Variants in USP26 observed in about 807,000 individuals in gnomAD.
The protein encoded by USP26 is ubiquitin specific peptidase 26, also known as ubiquitin carboxyl-terminal hydrolase 26.
For synonymous variants in USP26, 236 were observed against 240.6 expected, an observed-to-expected ratio of 0.98 and a Z score of 0.18; for missense variants, 649 against 642.3, an observed-to-expected ratio of 1.01 and a Z score of -0.11.
chrX:133,077,427 A>G (rs2067553317), intron 5 of USP26, among the ~76,000 whole-genome samples: 1 of 111,968 alleles, frequency 8.9e-6, no homozygotes, highest in Admixed American at 9.5e-5. Context: ...AAAAATCTAT[A>G]CTATGTAGCT....
In USP26 at chrX:133,026,720, G is replaced by A; in HGVS notation, c.1501C>T (p.His501Tyr). Residue 501 changes from histidine (H) to tyrosine (Y), a missense_variant, in exon 6 of 6, where the codon CAC (histidine) becomes TAC (tyrosine). Transcript: ENST00000511190. ...ELEYKCAKCE[H>Y]KTSVGVHSFS... is the part of the protein sequence containing the mutation. ...GAGTGCACTCCAACGGAAGTCTTGT[G>A]CTCACATTTTGCACATTTATACTCA... 1.7e-6 allele frequency: 2 copies of A among 1,210,358 alleles called. No homozygotes were observed. Among genetic ancestry groups the A allele is most frequent in the Non-Finnish European group, 2.2e-6 (2 of 894,841 alleles).
chrX:133,029,761 C>T (rs1412843161), intron 5 of USP26, among the ~76,000 whole-genome samples: 1 of 111,798 alleles, frequency 8.9e-6, no homozygotes. Flanking sequence ...ATCTAAGACC[C>T]TCTTGATATT....
intron 5 of USP26, among the ~76,000 whole-genome samples, chrX:133,078,307 C>A (rs768730004): frequency 5.8e-4 from 65 of 111,206 alleles, no homozygotes; most frequent in African/African-American, 2.1e-3. Context: ...CTGACGTATC[C>A]CTTTGTAGCA....
At position 133,025,260 on chromosome X, in the gene USP26, T is replaced by C. The variant is rs2067340598; in HGVS notation, c.*219A>G. On this transcript the variant is annotated 3_prime_UTR_variant, in exon 6 of 6. Transcript: ENST00000511190. ...AACATGAAAAACACAATTTCAGTCT[T>C]GTAGGAGAGAAGGATGCTCATCAGC... 2.1e-6 allele frequency: 1 copy of C among 471,201 alleles called. No individual in the cohort carries two copies. Among genetic ancestry groups the C allele is most frequent in the Admixed American group, 4.1e-5 (1 of 24,319 alleles). The allele number at this position is 471,201 out of a possible 1,213,427, so 38.8% of individuals were successfully genotyped here. A position where few individuals can be genotyped will look rare whatever the true frequency, so the allele number is the denominator to read the frequency against.
intron 5 of USP26, among the ~76,000 whole-genome samples, chrX:133,051,716 T>C: frequency 8.9e-6 from 1 of 112,475 alleles, no homozygotes. Context: ...TTCTGTGATA[T>C]GACAGTTAAA....
chrX:133,058,661 C>G (rs150287138), intron 5 of USP26, among the ~76,000 whole-genome samples: 1 of 111,211 alleles, frequency 9.0e-6, no homozygotes, highest in Non-Finnish European at 1.9e-5. Flanking sequence ...AATCTTTAGA[C>G]GACATATATT....
chrX:133,078,857 G>A, intron 5 of USP26, among the ~76,000 whole-genome samples: 1 of 111,763 alleles, frequency 8.9e-6, no homozygotes, highest in East Asian at 2.8e-4. Context: ...AGGAACAAAT[G>A]CAAATAACTG....
Position 133,028,225 on chromosome X carries a change from T to C in USP26, c.-5A>G. Reference sequence around the variant, plus strand: ...ACGTAGGAATAGGGCAGCCATGTTTTCTTTACAAATAAAATATACGTATCT... The same window carrying C: ...ACGTAGGAATAGGGCAGCCATGTTTCCTTTACAAATAAAATATACGTATCT... On this transcript the variant is annotated 5_prime_UTR_variant, in exon 6 of 6. Transcript: ENST00000511190. The C allele has an allele frequency of 8.3e-7, 1 of 1,210,039 alleles. No individual in the cohort carries two copies. Among genetic ancestry groups the C allele is most frequent in the Non-Finnish European group, 1.1e-6 (1 of 894,011 alleles).
Position 133,027,780 on chromosome X carries a change from T to C in USP26, c.441A>G (p.Ala147=). 1.7e-6 allele frequency: 2 copies of C among 1,210,512 alleles called. No individual in the cohort carries two copies. The highest frequency in any genetic ancestry group is 2.2e-6 in the Non-Finnish European group (2 of 894,613). Residue 147 remains alanine, a synonymous_variant, in exon 6 of 6, where the codon GCA becomes GCG. Coordinates refer to ENST00000511190, the MANE Select transcript of USP26 (RefSeq NM_031907.3). ...EKSSSKSFEI[A]KGSGTGVLQR... ...GAAGGACACCTGTCCCACTTCCTTT[T>C]GCTATCTCAAAAGATTTGCTACTTG... is the stretch of plus-strand genomic sequence containing the variant.
chrX:133,078,520 G>C (rs773666703), intron 5 of USP26, among the ~76,000 whole-genome samples: 2 of 112,135 alleles, frequency 1.8e-5, no homozygotes, highest in African/African-American at 6.5e-5. Context: ...ATTGAAGAAA[G>C]TTAGTTAAAT....
At position 133,024,250 on chromosome X, in the gene USP26, G is replaced by A. The variant is rs551402621; in HGVS notation, c.*1229C>T. ...TATTGCTTACTCATTGAAGAAACAA[G>A]ACCACCACACTATAAGGTACAGAGA... On this transcript the variant is annotated 3_prime_UTR_variant, in exon 6 of 6. Transcript: ENST00000511190. 2.2e-4 allele frequency among the ~76,000 whole-genome samples: 23 copies of A among 106,132 alleles called. No individual in the cohort carries two copies. Among genetic ancestry groups the A allele is most frequent in the African/African-American group, 8.0e-4 (23 of 28,847 alleles). 92.2% of individuals were successfully genotyped at this position (106,132 alleles called of 115,157 possible).
At chrX:133,037,477 A>G (rs767025407) in intron 5 of USP26, among the ~76,000 whole-genome samples, 1 of 111,704 alleles carries the variant, frequency 9.0e-6, no homozygotes, top group East Asian at 2.8e-4. Context: ...TGAAGATCAG[A>G]TGGTTGTAGA....
At chrX:133,088,789 C>T (rs914640959) in intron 4 of USP26, among the ~76,000 whole-genome samples, 7 of 111,931 alleles carry the variant, frequency 6.3e-5, no homozygotes, top group African/African-American at 2.3e-4. Context: ...CTGTGAAGAG[C>T]AGTGGGTAGA....
rs973381559 is a variant in USP26 at position 133,023,486 on chromosome X, TA to T, written c.*1992del. Among the ~76,000 whole-genome samples, 1 of 111,739 alleles carries T rather than the reference TA, an allele frequency of 8.9e-6. No individual in the cohort carries two copies. The highest frequency in any genetic ancestry group is 3.3e-5 in the African/African-American group (1 of 30,745). ...GATATCTATGTAACTGGGCTCAACA[TA>T]AACTACTCTAGAGGCCAAAAAACTG... On this transcript the variant is annotated 3_prime_UTR_variant, in exon 6 of 6. Coordinates refer to ENST00000511190, the MANE Select transcript of USP26 (RefSeq NM_031907.3).
chrX:133,056,945 T>C (rs1456597888), intron 5 of USP26, among the ~76,000 whole-genome samples: 3 of 111,868 alleles, frequency 2.7e-5, no homozygotes, highest in East Asian at 5.6e-4. Context: ...CTTGCAGCCA[T>C]AGCATGCTAG....
At chrX:133,064,694 C>T (rs1046455753) in intron 5 of USP26, among the ~76,000 whole-genome samples, 8 of 111,562 alleles carry the variant, frequency 7.2e-5, no homozygotes, top group African/African-American at 1.6e-4. Flanking sequence ...AAAGACACAA[C>T]GTACCAGAAT....
intron 5 of USP26, among the ~76,000 whole-genome samples, chrX:133,078,309 T>G (rs1257694655): frequency 9.0e-6 from 1 of 111,404 alleles, no homozygotes; most frequent in African/African-American, 3.3e-5. Flanking sequence ...GACGTATCCC[T>G]TTGTAGCAAC....
chrX:133,028,083 T>A lies in USP26; in HGVS notation c.138A>T (p.Lys46Asn), dbSNP rs781108373. 8.3e-7 allele frequency: 1 copy of A among 1,211,097 alleles called. No homozygotes were observed. The highest frequency in any genetic ancestry group is 3.0e-5 in the East Asian group (1 of 33,831). Residue 46 changes from lysine to asparagine, a missense_variant, in exon 6 of 6, where the codon AAA becomes AAT. Physicochemically the swap from Lys to Asn is moderately conservative, Grantham distance 94. Coordinates refer to ENST00000511190, the MANE Select transcript of USP26 (RefSeq NM_031907.3). ...TATCACTTAGCCGAAAAGTGCTATA[T>A]TTTCCACTTTTGAAATACAGCACCA... is the stretch of plus-strand genomic sequence containing the variant. ...DRLVLYFKSG[K>N]YSTFRLSDNI...
At chrX:133,054,801 C>G (rs2067470265) in intron 5 of USP26, among the ~76,000 whole-genome samples, 1 of 112,257 alleles carries the variant, frequency 8.9e-6, no homozygotes, top group Admixed American at 9.5e-5. Flanking sequence ...AGTCCCATAT[C>G]CTATTACCCC....
Sources: gnomAD v4.1 joint callset for allele counts (sites outside exome capture counted in the v4.1 genomes callset) on GRCh38, gnomAD v4.1.1 for gene constraint, MANE v1.5 for transcripts, NCBI Gene and HGNC (gene_info 2026-07-23, HGNC 2026-07-21) for gene names.